KRABD3: variants seen among roughly 807,000 people sequenced by gnomAD.
KRABD3 encodes the protein KRAB domain containing 3.
At chr7:149,733,386 C>G in the KRABD3 span, 3 of 1,611,350 alleles carry the variant, frequency 1.9e-6, no homozygotes, top group Non-Finnish European at 2.5e-6. Flanking sequence ...GCTGCCCTTG[C>G]GGAGAAGCTG....
the KRABD3 span, chr7:149,729,375 G>A: frequency 1.4e-6 from 2 of 1,463,514 alleles, no homozygotes; most frequent in East Asian, 2.6e-5. Context: ...CAGAGGGTGA[G>A]CTGGCACCTG....
the KRABD3 span, chr7:149,730,037 T>C: frequency 7.2e-7 from 1 of 1,390,388 alleles, no homozygotes; most frequent in African/African-American, 1.5e-5. Context: ...GAACGCATGC[T>C]GATCGTGGGC....
the KRABD3 span, chr7:149,715,341 T>C: frequency 8.3e-7 from 1 of 1,202,970 alleles, no homozygotes; most frequent in Non-Finnish European, 1.0e-6. Context: ...CATGAAGGCC[T>C]CGGAGGCAGT....
chr7:149,733,265 C>T, the KRABD3 span: 2 of 1,612,336 alleles, frequency 1.2e-6, no homozygotes, highest in Middle Eastern at 1.7e-4. Flanking sequence ...TGAGTCTCCC[C>T]CTCCGGAGCT....
chr7:149,719,406 G>C, the KRABD3 span: 1 of 848,392 alleles, frequency 1.2e-6, no homozygotes, highest in Admixed American at 3.2e-5. The surrounding 1 kb of genome is among the most constrained non-coding windows in gnomAD (Gnocchi z 5.6). Context: ...TGTCTCTTGA[G>C]GGGATTCCTG....
the KRABD3 span, chr7:149,734,381 C>G: frequency 2.8e-5 from 8 of 288,184 alleles, no homozygotes; most frequent in Admixed American, 9.6e-5. Flanking sequence ...AGGGGGTGCC[C>G]CACACAGCTA....
chr7:149,715,108 C>G, the KRABD3 span: 5 of 1,230,988 alleles, frequency 4.1e-6, no homozygotes, highest in South Asian at 4.1e-5. Flanking sequence ...GCAGTGCGGC[C>G]CCGAAGGCGG....
chr7:149,722,919 C>A, the KRABD3 span: 5 of 1,611,052 alleles, frequency 3.1e-6, no homozygotes, highest in Non-Finnish European at 4.2e-6. Flanking sequence ...CCAGGCTAAC[C>A]AGAGCAGACC....
chr7:149,727,209 C>T, the KRABD3 span, among the ~76,000 whole-genome samples: 1 of 152,198 alleles, frequency 6.6e-6, no homozygotes, highest in Non-Finnish European at 1.5e-5. Context: ...TCCCTCCGTG[C>T]TCACCTGTGT....
chr7:149,721,387 G>A, the KRABD3 span: 84 of 1,588,424 alleles, frequency 5.3e-5, no homozygotes, highest in African/African-American at 1.6e-4. Context: ...CAGCAGCTGC[G>A]GCAAGAGAGC....
At chr7:149,728,034 C>T in the KRABD3 span, among the ~76,000 whole-genome samples, 1 of 152,378 alleles carries the variant, frequency 6.6e-6, no homozygotes, top group African/African-American at 2.4e-5. Flanking sequence ...TCCTGTTACT[C>T]GCACAGCTGT....
chr7:149,729,485 C>G, the KRABD3 span: 3 of 1,273,078 alleles, frequency 2.4e-6, no homozygotes, highest in East Asian at 9.4e-5. Context: ...ATCCTTTCCC[C>G]AGAGGACAGA....
the KRABD3 span, chr7:149,729,141 C>G: frequency 7.2e-7 from 1 of 1,389,686 alleles, no homozygotes; most frequent in Non-Finnish European, 9.4e-7. Flanking sequence ...TGTGGCAGCA[C>G]GAGGCCCCGT....
chr7:149,721,023 TC>T, the KRABD3 span: 1 of 1,608,050 alleles, frequency 6.2e-7, no homozygotes, highest in Non-Finnish European at 8.5e-7. Flanking sequence ...GCACGCAGCC[TC>T]CTCTGCACTC....
chr7:149,719,703 A>G, the KRABD3 span: 2 of 1,586,782 alleles, frequency 1.3e-6, no homozygotes, highest in Admixed American at 1.9e-5. This position sits in a 1 kb window ranked among gnomAD's most constrained non-coding sequence, Gnocchi z 5.6. Flanking sequence ...CACGTGTGGC[A>G]GGAGCCTGGT....
At chr7:149,723,297 G>A in the KRABD3 span, among the ~76,000 whole-genome samples, 1 of 152,216 alleles carries the variant, frequency 6.6e-6, no homozygotes, top group Non-Finnish European at 1.5e-5. Context: ...ATGGTGGAGG[G>A]GCCGGGGCAC....
chr7:149,719,583 C>G, the KRABD3 span: 6 of 1,606,706 alleles, frequency 3.7e-6, no homozygotes, highest in Non-Finnish European at 5.1e-6. The surrounding 1 kb of genome is among the most constrained non-coding windows in gnomAD (Gnocchi z 5.6). Flanking sequence ...GTGCGGTTCT[C>G]GGAGGAGGAG....
At chr7:149,728,968 A>T in the KRABD3 span, among the ~76,000 whole-genome samples, 1 of 152,168 alleles carries the variant, frequency 6.6e-6, no homozygotes, top group African/African-American at 2.4e-5. Context: ...GTGTCTGGGC[A>T]CCAGTCTCCA....
chr7:149,731,552 T>G, the KRABD3 span: 1 of 838,136 alleles, frequency 1.2e-6, no homozygotes, highest in East Asian at 2.7e-5. Context: ...AGTTTCCGTC[T>G]TCTATCTCAT....
Sources: allele counts gnomAD v4.1 joint callset (sites outside exome capture counted in the v4.1 genomes callset), GRCh38; gene constraint gnomAD v4.1.1; non-coding constraint Gnocchi (gnomAD v3.1); transcripts MANE v1.5; gene names NCBI Gene and HGNC (gene_info 2026-07-23, HGNC 2026-07-21).